TMTC2: variants seen among roughly 807,000 people sequenced by gnomAD.
TMTC2 encodes the protein transmembrane O-mannosyltransferase targeting cadherins 2.
Under a neutral mutation model 82.4 loss-of-function variants are expected in TMTC2, and 43 were observed. The observed-to-expected ratio is 0.52, with a 90% CI of 0.41 to 0.67. The LOEUF (loss-of-function observed/expected upper bound fraction) is 0.67, where lower values mean the gene tolerates loss of function less well. Ranked by LOEUF, TMTC2 falls within the 30% of genes least tolerant of loss-of-function variation. The pLI, the probability that TMTC2 is intolerant of heterozygous loss-of-function variation, is 0.00. For missense variants in TMTC2, 919 were observed against 1,012.4 expected (o/e 0.91, Z 1.25); for synonymous variants, 408 against 381.9 (o/e 1.07, Z -0.80).
chr12:83,024,378 A>C (rs1227113371), intron 8 of TMTC2, among the ~76,000 whole-genome samples: 1 of 152,180 alleles, frequency 6.6e-6, no homozygotes, highest in African/African-American at 2.4e-5. Flanking sequence ...TTCAAACTAC[A>C]CATAAGCTTT....
chr12:83,117,183 T>C (rs1592504072), intron 11 of TMTC2, among the ~76,000 whole-genome samples: 1 of 152,162 alleles, frequency 6.6e-6, no homozygotes, highest in Non-Finnish European at 1.5e-5. Flanking sequence ...TTGAACAGGG[T>C]GTTCTTTCCC....
intron 8 of TMTC2, among the ~76,000 whole-genome samples, chr12:83,026,669 C>G (rs10746265): frequency 0.7 from 105,865 of 151,288 alleles, 37,095 homozygotes; most frequent in East Asian, 0.85. Flanking sequence ...TAATATTCCT[C>G]CTTGCTCTAA....
rs1878122525 is a variant in TMTC2, at chr12:82,964,998, T to C, written c.1599-26T>C. On this transcript the variant is annotated intron_variant, in intron 4 of 11. Transcript: ENST00000321196. ...TTATATATAATAATACAGTCCTTTC[T>C]CTAAATTTCTGTTTTCCTCATGCAG... 2.6e-6 allele frequency: 4 copies of C among 1,562,636 alleles called. No homozygotes were observed. In the South Asian group the frequency reaches 4.6e-5, roughly 18 times the overall value.
At chr12:83,065,407 T>G (rs1384907972) in intron 11 of TMTC2, among the ~76,000 whole-genome samples, 1 of 151,928 alleles carries the variant, frequency 6.6e-6, no homozygotes, top group African/African-American at 2.4e-5. Flanking sequence ...AGTTTTATAT[T>G]CTGATACTGT....
In TMTC2 at chr12:82,936,568, G is replaced by C. The variant is rs1876329358; in HGVS notation, c.1598+6023G>C. ...TCAGATAGGCTTTAGTCTAAGATTTGTGGTGGGATATTTAATATTACAATT... is the reference window on the plus strand; with the variant it reads ...TCAGATAGGCTTTAGTCTAAGATTTCTGGTGGGATATTTAATATTACAATT... On this transcript the variant is annotated intron_variant, in intron 4 of 11. Transcript: ENST00000321196. 3.9e-5 allele frequency among the ~76,000 whole-genome samples: 6 copies of C among 152,174 alleles called. No homozygotes were observed. In the South Asian group the frequency reaches 1.0e-3, roughly 26 times the overall value.
At chr12:82,690,391 T>C (rs947708944) in intron 1 of TMTC2, 2 of 985,326 alleles carry the variant, frequency 2.0e-6, no homozygotes, top group African/African-American at 1.7e-5. Context: ...ATGGCTGTTA[T>C]TCCTGACTTG....
chr12:82,930,189 T>C (rs1333858577), intron 3 of TMTC2, among the ~76,000 whole-genome samples: 1 of 152,230 alleles, frequency 6.6e-6, no homozygotes, highest in Non-Finnish European at 1.5e-5. Context: ...TTCTTGGCCT[T>C]ATGATGAACT....
At chr12:83,010,082 A>T (rs1396556296) in intron 8 of TMTC2, among the ~76,000 whole-genome samples, 1 of 152,064 alleles carries the variant, frequency 6.6e-6, no homozygotes, top group Non-Finnish European at 1.5e-5. Context: ...CTGGTTCCAA[A>T]CAGGCCATGA....
At chr12:83,036,080 C>G (rs1258352482) in intron 9 of TMTC2, among the ~76,000 whole-genome samples, 1 of 152,112 alleles carries the variant, frequency 6.6e-6, no homozygotes, top group Non-Finnish European at 1.5e-5. Context: ...CAGTGAGTTT[C>G]TAAAAAGCTA....
chr12:82,706,716 T>G (rs17009859), intron 1 of TMTC2, among the ~76,000 whole-genome samples: 5,094 of 152,270 alleles, frequency 0.033, 174 homozygotes, highest in East Asian at 0.12. Context: ...AACTTGACTT[T>G]ACTTGGTAAG....
At chr12:82,903,248 C>G (rs1190900483) in intron 3 of TMTC2, among the ~76,000 whole-genome samples, 1 of 152,192 alleles carries the variant, frequency 6.6e-6, no homozygotes, top group African/African-American at 2.4e-5. Context: ...CTCTGTCTTA[C>G]TGAGCATTCC....
intron 11 of TMTC2, among the ~76,000 whole-genome samples, chr12:83,114,829 A>T (rs1188143369): frequency 6.6e-6 from 1 of 151,754 alleles, no homozygotes; most frequent in Non-Finnish European, 1.5e-5. Flanking sequence ...TGCCATCTTC[A>T]TTCATTTTAT....
intron 11 of TMTC2, among the ~76,000 whole-genome samples, chr12:83,116,779 G>T (rs574312428): frequency 6.6e-6 from 1 of 151,912 alleles, no homozygotes; most frequent in South Asian, 2.1e-4. Flanking sequence ...TTTTTGATGG[G>T]ATTTTTTTTT....
At chr12:82,877,752 A>G (rs1872650203) in intron 2 of TMTC2, among the ~76,000 whole-genome samples, 2 of 152,222 alleles carry the variant, frequency 1.3e-5, no homozygotes, top group African/African-American at 4.8e-5. Context: ...TTATTTCTAC[A>G]GTAAAGGATG....
intron 9 of TMTC2, among the ~76,000 whole-genome samples, chr12:83,032,285 A>ATATATATATATATATG (rs1555206990): frequency 1.2e-5 from 1 of 85,672 alleles, no homozygotes; most frequent in East Asian, 3.0e-4. Context: ...ATATATATAT[A>ATATATATATATATATG]TATATATATA....
At chr12:82,933,350 A>T (rs1027578643) in intron 4 of TMTC2, among the ~76,000 whole-genome samples, 2 of 152,204 alleles carry the variant, frequency 1.3e-5, no homozygotes, top group African/African-American at 4.8e-5. Context: ...GTTTGGTATC[A>T]TATTTATAGG....
At chr12:83,073,804 A>G (rs1282671077) in intron 11 of TMTC2, among the ~76,000 whole-genome samples, 1 of 152,062 alleles carries the variant, frequency 6.6e-6, no homozygotes, top group Non-Finnish European at 1.5e-5. Context: ...TTCTAAAAGT[A>G]TGTCTATAAT....
chr12:82,769,501 A>G (rs1031192740), intron 1 of TMTC2, among the ~76,000 whole-genome samples: 4 of 42 alleles, frequency 0.095, no homozygotes, highest in Non-Finnish European at 0.1. Flanking sequence ...AAGAAAAAAG[A>G]TGTAAGGGTA....
At chr12:83,104,549 C>T (rs1884334101) in intron 11 of TMTC2, among the ~76,000 whole-genome samples, 2 of 152,212 alleles carry the variant, frequency 1.3e-5, no homozygotes, top group South Asian at 4.1e-4. Context: ...TAAGCTGTAC[C>T]TGGGCCCCTT....
Sources: gnomAD v4.1 joint callset for allele counts (sites outside exome capture counted in the v4.1 genomes callset) on GRCh38, gnomAD v4.1.1 for gene constraint, MANE v1.5 for transcripts, NCBI Gene and HGNC (gene_info 2026-07-23, HGNC 2026-07-21) for gene names.